The following GATAD1 variants were observed in gnomAD, a reference collection of about 807,000 sequenced individuals.
The protein encoded by GATAD1 is GATA zinc finger domain-containing protein 1.
GATAD1 carries 12 observed loss-of-function variants against 26.5 expected under a neutral mutation model. The ratio of observed to expected loss-of-function variants is 0.45; its 90% CI spans 0.29 to 0.73. The LOEUF is 0.73. Among genes scored for constraint, GATAD1 ranks in the 30% least tolerant of loss-of-function variants. GATAD1 has a pLI of 0.10. For synonymous variants in GATAD1, 129 were observed against 133.1 expected (o/e 0.97, Z 0.21); for missense variants, 266 against 342.1 (o/e 0.78, Z 1.75).
In GATAD1 at chr7:92,459,306, AATG is replaced by A. The variant is rs1323560004; in HGVS notation, c.*2746_*2748del. On this transcript the variant is annotated 3_prime_UTR_variant, in exon 5 of 5. Transcript: ENST00000287957. Reference sequence around the variant, plus strand: ...AGGAAAATCAAAAAATGGCTAATAAAATGAACACAATGTAAAACATTTATTAAA... The same window carrying A: ...AGGAAAATCAAAAAATGGCTAATAAAAACACAATGTAAAACATTTATTAAA... 2 of 150,468 alleles carry A rather than the reference AATG, an allele frequency of 1.3e-5. No individual in the cohort carries two copies. The highest frequency in any genetic ancestry group is 3.0e-5 in the Non-Finnish European group (2 of 66,860). The allele number at this position is 150,468 out of a possible 1,614,324, so 9.3% of individuals were successfully genotyped here. A position where few individuals can be genotyped will look rare whatever the true frequency, so the allele number is the denominator to read the frequency against.
At chr7:92,481,301 C>T in the GATAD1 span, among the ~76,000 whole-genome samples, 1 of 152,060 alleles carries the variant, frequency 6.6e-6, no homozygotes, top group South Asian at 2.1e-4. Context: ...GAAGTCTGGG[C>T]CAGGAAGAAT....
chr7:92,486,083 G>A, the GATAD1 span, among the ~76,000 whole-genome samples: 3 of 152,222 alleles, frequency 2.0e-5, no homozygotes, highest in Non-Finnish European at 2.9e-5. Context: ...TTGGCCAAGA[G>A]TGCAGGGATG....
chr7:92,476,088 G>T, the GATAD1 span, among the ~76,000 whole-genome samples: 20,086 of 152,146 alleles, frequency 0.13, 1,373 homozygotes, highest in African/African-American at 0.17. Context: ...AGGGAGTTCC[G>T]CCTAGGTCTG....
At position 92,450,751 on chromosome 7, in the gene GATAD1, C is replaced by A; in HGVS notation, c.426C>A (p.Ile142=). The change falls in exon 3 of 5, where the codon ATC becomes ATA. Residue 142 remains isoleucine, a synonymous_variant. Transcript: ENST00000287957. ...SVSTIITAES[I]FYKGVYYQIG... ...CCACTATAATCACTGCAGAATCAAT[C>A]TTCTACAAGGTAAGCTTTTGTAGAG... The A allele has an allele frequency of 6.2e-7, 1 of 1,602,822 alleles. No homozygotes were observed. Among genetic ancestry groups the A allele is most frequent in the Non-Finnish European group, 8.5e-7 (1 of 1,169,772 alleles).
At chr7:92,491,175 G>A in the GATAD1 span, 1 of 821,532 alleles carries the variant, frequency 1.2e-6, no homozygotes, top group Non-Finnish European at 2.1e-6. Flanking sequence ...CAACCAGGAA[G>A]AATATGTGGG....
the GATAD1 span, chr7:92,469,452 T>C: frequency 3.2e-5 from 25 of 769,936 alleles, no homozygotes; most frequent in Admixed American, 4.3e-4. Context: ...GGGGCTTAGA[T>C]ATGACATAAC....
the GATAD1 span, chr7:92,494,359 C>G: frequency 6.2e-7 from 1 of 1,613,790 alleles, no homozygotes; most frequent in Non-Finnish European, 8.5e-7. Context: ...CAGGGTCAAT[C>G]AAGTCAGGGC....
In GATAD1 at chr7:92,454,636, T is replaced by C. The variant is rs1212927840; in HGVS notation, c.570T>C (p.Pro190=). ...EKSAALTWLI[P]TLSSPRDQFD... ...GTGCAGCACTGACGTGGCTCATTCCTACCCTCTCTAGCCCCAGAGACCAAT... is the reference window on the plus strand; with the variant it reads ...GTGCAGCACTGACGTGGCTCATTCCCACCCTCTCTAGCCCCAGAGACCAAT... The change falls in exon 4 of 5, where the codon CCT becomes CCC. Residue 190 remains proline (P), a synonymous_variant. Coordinates refer to ENST00000287957, the MANE Select transcript of GATAD1 (RefSeq NM_021167.5). 3.1e-6 allele frequency: 5 copies of C among 1,612,548 alleles called. No homozygotes were observed. The Admixed American group carries it at 6.7e-5, about 22-fold the overall frequency.
At position 92,457,914 on chromosome 7, in the gene GATAD1, A is replaced by T. The variant is rs1179258413; in HGVS notation, c.*1352A>T. 2 of 152,222 alleles carry T rather than the reference A, an allele frequency of 1.3e-5. No individual in the cohort carries two copies. Among genetic ancestry groups the T allele is most frequent in the African/African-American group, 4.8e-5 (2 of 41,442 alleles). 9.4% of individuals were successfully genotyped at this position (152,222 alleles called of 1,614,324 possible). On this transcript the variant is annotated 3_prime_UTR_variant, in exon 5 of 5. Transcript: ENST00000287957. ...CACTTTGGGAGGCCTGAGTGGATGGATCACTTGAGGTCAGGAGTTCAGGAC... is the reference window on the plus strand; with the variant it reads ...CACTTTGGGAGGCCTGAGTGGATGGTTCACTTGAGGTCAGGAGTTCAGGAC...
the GATAD1 span, chr7:92,492,873 A>G: frequency 1.8e-6 from 2 of 1,128,524 alleles, no homozygotes; most frequent in Non-Finnish European, 2.7e-6. Flanking sequence ...AAAAAATAGC[A>G]TTTTTTAAGG....
the GATAD1 span, among the ~76,000 whole-genome samples, chr7:92,480,112 GA>G: frequency 6.6e-6 from 1 of 152,120 alleles, no homozygotes; most frequent in African/African-American, 2.4e-5. Context: ...TAAGGGGTAC[GA>G]AGGTTCCACT....
At chr7:92,486,953 G>A in the GATAD1 span, 1 of 152,446 alleles carries the variant, frequency 6.6e-6, no homozygotes, top group African/African-American at 2.4e-5. Flanking sequence ...TTCTGGTTGA[G>A]CGGATAATTA....
chr7:92,485,732 T>C, the GATAD1 span, among the ~76,000 whole-genome samples: 1 of 152,186 alleles, frequency 6.6e-6, no homozygotes, highest in Admixed American at 6.5e-5. Context: ...AGACAGGAAA[T>C]CTTCCAAGGG....
intron 3 of GATAD1, chr7:92,454,293 A>G (rs1021629327): frequency 3.8e-6 from 2 of 533,334 alleles, no homozygotes; most frequent in Non-Finnish European, 6.6e-6. Flanking sequence ...AAACTGTCAT[A>G]TATGCACCCT....
At chr7:92,484,174 C>T in the GATAD1 span, among the ~76,000 whole-genome samples, 192 of 152,218 alleles carry the variant, frequency 1.3e-3, no homozygotes, top group East Asian at 4.0e-3. Context: ...ACTGCAGCCA[C>T]GCAGTGTTGC....
the GATAD1 span, among the ~76,000 whole-genome samples, chr7:92,486,755 A>C: frequency 6.6e-6 from 1 of 151,914 alleles, no homozygotes; most frequent in Admixed American, 6.6e-5. Context: ...CTGTTCCCTT[A>C]CCCCATTACT....
chr7:92,485,514 C>T, the GATAD1 span, among the ~76,000 whole-genome samples: 1 of 152,184 alleles, frequency 6.6e-6, no homozygotes, highest in Non-Finnish European at 1.5e-5. Context: ...AGAGAAAAGG[C>T]CCTGTCATCA....
chr7:92,479,114 G>A, the GATAD1 span, among the ~76,000 whole-genome samples: 1 of 152,170 alleles, frequency 6.6e-6, no homozygotes, highest in Admixed American at 6.5e-5. Context: ...CTCTGTGTCT[G>A]TACAGGGGAG....
the GATAD1 span, among the ~76,000 whole-genome samples, chr7:92,485,460 C>G: frequency 6.6e-6 from 1 of 152,226 alleles, no homozygotes; most frequent in African/African-American, 2.4e-5. Flanking sequence ...GTCATGGCCC[C>G]TGACCTAATT....
Sources: gnomAD v4.1 joint callset for allele counts (sites outside exome capture counted in the v4.1 genomes callset) on GRCh38, gnomAD v4.1.1 for gene constraint, MANE v1.5 for transcripts, NCBI Gene and HGNC (gene_info 2026-07-23, HGNC 2026-07-21) for gene names.